Variants in TTLL9 observed in about 807,000 individuals in gnomAD.
The protein encoded by TTLL9 is tubulin tyrosine ligase like 9, also known as probable tubulin polyglutamylase TTLL9.
A neutral mutation model predicts 65.6 loss-of-function variants in TTLL9; 47 were observed. The observed-to-expected ratio is 0.72, with a 90% CI of 0.57 to 0.91. The LOEUF is 0.91. TTLL9 is among the 40% of genes least tolerant of loss of function. The pLI is 0.00. For missense variants in TTLL9, 537 were observed against 568.8 expected, an observed-to-expected ratio of 0.94 and a Z score of 0.57; for synonymous variants, 179 against 204.8, an observed-to-expected ratio of 0.87 and a Z score of 1.07.
intron 10 of TTLL9, among the ~76,000 whole-genome samples, chr20:31,926,384 A>G (rs2063907214): frequency 6.6e-6 from 1 of 152,230 alleles, no homozygotes; most frequent in Non-Finnish European, 1.5e-5. Context: ...GGCAGAGACC[A>G]AAAATTTGAT....
chr20:31,898,600 C>CT, intron 4 of TTLL9, 35 bp downstream of exon 4: 1 of 1,585,388 alleles, frequency 6.3e-7, no homozygotes, highest in Non-Finnish European at 8.7e-7. Context: ...CCCTCCTTCC[C>CT]TTTGTCTCAC....
At chr20:31,880,852 CTTT>C (rs35047352) in intron 2 of TTLL9, among the ~76,000 whole-genome samples, 7 of 108,242 alleles carry the variant, frequency 6.5e-5, no homozygotes, top group Admixed American at 1.1e-4. Context: ...TCTTTCTTTC[CTTT>C]TTTTTTTTTT....
At chr20:31,894,143 A>G (rs1323350176) in intron 3 of TTLL9, among the ~76,000 whole-genome samples, 1 of 124,326 alleles carries the variant, frequency 8.0e-6, no homozygotes, top group Non-Finnish European at 1.6e-5. Flanking sequence ...TTGCTCTGTC[A>G]CACAGGCTGG....
At chr20:31,885,978 G>T (rs1279082427) in intron 2 of TTLL9, among the ~76,000 whole-genome samples, 1 of 152,242 alleles carries the variant, frequency 6.6e-6, no homozygotes, top group African/African-American at 2.4e-5. Context: ...GGAGCTGAGA[G>T]CAGTCCCCAG....
Position 31,943,692 on chromosome 20 carries a change from A to C in TTLL9, c.*671A>C, listed in dbSNP as rs1196689229. ...CTCAGATGGACAAGACAGACCAGGGAGGCAGAGCTTAGTGAGGGTCTCTGC... is the reference window on the plus strand; with the variant it reads ...CTCAGATGGACAAGACAGACCAGGGCGGCAGAGCTTAGTGAGGGTCTCTGC... On this transcript the variant is annotated 3_prime_UTR_variant, in exon 15 of 15. Transcript: ENST00000535842. The C allele has an allele frequency of 2.2e-6, 1 of 456,448 alleles. No homozygotes were observed. The highest frequency in any genetic ancestry group is 2.0e-5 in the African/African-American group (1 of 50,052). 28.3% of individuals were successfully genotyped at this position (456,448 alleles called of 1,614,324 possible). A position where few individuals can be genotyped will look rare whatever the true frequency, so the allele number is the denominator to read the frequency against.
In TTLL9 at chr20:31,925,975, TGGCTAACCACCCCCG is replaced by T. The variant is rs1248636568; in HGVS notation, c.706-73_706-59del. 1.0e-5 allele frequency: 16 copies of T among 1,595,056 alleles called. 1 individual carries two copies. In the East Asian group the frequency reaches 1.6e-4, roughly 16 times the overall value. ...TGATGACCAGTGTATCCTGGGATCC[TGGCTAACCACCCCCG>T]ACACACCTACCCCTTCCCACACTCT... On this transcript the variant is annotated intron_variant, in intron 9 of 14. Coordinates refer to ENST00000535842, the MANE Select transcript of TTLL9 (RefSeq NM_001008409.5).
intron 9 of TTLL9, 50 bp from the exon 10 acceptor site, chr20:31,925,999 A>G (rs749456712): frequency 1.5e-5 from 24 of 1,610,452 alleles, no homozygotes; most frequent in Non-Finnish European, 2.0e-5. Flanking sequence ...CGACACACCT[A>G]CCCCTTCCCA....
intron 4 of TTLL9, among the ~76,000 whole-genome samples, chr20:31,906,818 T>C (rs967402170): frequency 1.3e-5 from 2 of 152,066 alleles, no homozygotes; most frequent in Non-Finnish European, 2.9e-5. Flanking sequence ...CTGGCTAATT[T>C]TTTGTGTTTT....
In TTLL9 at chr20:31,890,072, CTTT is replaced by C. The variant is rs1568752674; in HGVS notation, c.113+2834_113+2836del. On this transcript the variant is annotated intron_variant, in intron 3 of 14. Transcript: ENST00000535842. ...TTTCTTTCTTTCTCTTTCTTTCTTG[CTTT>C]CTTGCTTTCTTGCTTTCTTTCCCTC... Among the ~76,000 whole-genome samples the C allele has an allele frequency of 1.1e-3, 71 of 67,170 alleles. 5 individuals carry two copies. The highest frequency in any genetic ancestry group is 5.2e-3 in the African/African-American group (68 of 12,964). 44.1% of individuals were successfully genotyped at this position (67,170 alleles called of 152,430 possible). A position where few individuals can be genotyped will look rare whatever the true frequency, so the allele number is the denominator to read the frequency against.
Position 31,909,939 on chromosome 20 carries a change from A to C in TTLL9, c.504+17A>C. On this transcript the variant is annotated intron_variant, in intron 6 of 14. Transcript: ENST00000535842. ...ATGAAGCCTGTGAGTGCCCAGTGCC[A>C]GGGGCTGGGTGGGAGGGAATGAGTC... The C allele has an allele frequency of 2.5e-5, 20 of 796,304 alleles. No individual in the cohort carries two copies. The highest frequency in any genetic ancestry group is 3.9e-5 in the Non-Finnish European group (19 of 487,598). 49.3% of individuals were successfully genotyped at this position (796,304 alleles called of 1,614,324 possible).
chr20:31,938,396 GC>G (rs1437609531), intron 13 of TTLL9: 2 of 356,514 alleles, frequency 5.6e-6, no homozygotes, highest in Non-Finnish European at 1.1e-5. Context: ...TGAAATGGAT[GC>G]TGAGCAGGCA....
At chr20:31,927,751 G>A (rs968023735) in intron 10 of TTLL9, among the ~76,000 whole-genome samples, 6 of 152,156 alleles carry the variant, frequency 3.9e-5, no homozygotes, top group African/African-American at 4.8e-5. Context: ...CTTGCACATG[G>A]GAAAGATGGA....
chr20:31,913,251 C>T (rs1310808526), intron 6 of TTLL9, among the ~76,000 whole-genome samples: 1 of 152,186 alleles, frequency 6.6e-6, no homozygotes, highest in Non-Finnish European at 1.5e-5. Context: ...GCACCATAGC[C>T]TAATCAAGTT....
At chr20:31,874,369 T>C (rs755878015) in intron 2 of TTLL9, among the ~76,000 whole-genome samples, 11 of 152,044 alleles carry the variant, frequency 7.2e-5, no homozygotes, top group Non-Finnish European at 1.3e-4. Flanking sequence ...AAGGGTAGAA[T>C]TAAGGCTGCA....
intron 3 of TTLL9, among the ~76,000 whole-genome samples, chr20:31,897,638 G>A (rs908555636): frequency 6.6e-6 from 1 of 152,162 alleles, no homozygotes; most frequent in Non-Finnish European, 1.5e-5. Flanking sequence ...CTGCTGCAGT[G>A]GGGGTGGGAG....
chr20:31,933,351 C>T (rs2064052621), intron 10 of TTLL9, among the ~76,000 whole-genome samples: 1 of 151,850 alleles, frequency 6.6e-6, no homozygotes, highest in South Asian at 2.1e-4. Context: ...GACAGACAGC[C>T]TACTGTGTCC....
chr20:31,879,319 TCAAA>T lies in TTLL9; in HGVS notation c.70-7864_70-7861del, dbSNP rs374054413. Among the ~76,000 whole-genome samples, 446 of 152,158 alleles carry T rather than the reference TCAAA, an allele frequency of 2.9e-3. 3 individuals are homozygous for T. The highest frequency in any genetic ancestry group is 0.01 in the African/African-American group (423 of 41,514). On this transcript the variant is annotated intron_variant, in intron 2 of 14. Coordinates refer to ENST00000535842, the MANE Select transcript of TTLL9 (RefSeq NM_001008409.5). ...CTGGGCGACACAGCGAGACTCCGTC[TCAAA>T]CAAACAAACAAAAAAACTACAATGA...
At position 31,943,600 on chromosome 20, in the gene TTLL9, T is replaced by C. The variant is rs1165924009; in HGVS notation, c.*579T>C. ...CTAAACACATCCTCTTCTCCTTGCA[T>C]GTCAGGGGAGCCCATGGGGCTCCCT... On this transcript the variant is annotated 3_prime_UTR_variant, in exon 15 of 15. Transcript: ENST00000535842. 2 of 381,504 alleles carry C rather than the reference T, an allele frequency of 5.2e-6. No individual in the cohort carries two copies. Among genetic ancestry groups the C allele is most frequent in the Non-Finnish European group, 5.2e-6 (1 of 193,842 alleles). The allele number at this position is 381,504 out of a possible 1,614,324, so 23.6% of individuals were successfully genotyped here.
In TTLL9 at chr20:31,892,713, G is replaced by A. The variant is rs531143486; in HGVS notation, c.113+5474G>A. On this transcript the variant is annotated intron_variant, in intron 3 of 14. Transcript: ENST00000535842. ...TTGTGTACCCTTGAAAAAGAGTTGG[G>A]GACCCTGAGGAATACTTGAGACCAC... Among the ~76,000 whole-genome samples the A allele has an allele frequency of 9.2e-5, 14 of 152,178 alleles. No homozygotes were observed. The South Asian group carries it at 2.9e-3, about 32-fold the overall frequency.
Sources: allele counts gnomAD v4.1 joint callset (sites outside exome capture counted in the v4.1 genomes callset), GRCh38; gene constraint gnomAD v4.1.1; transcripts MANE v1.5; gene names NCBI Gene and HGNC (gene_info 2026-07-23, HGNC 2026-07-21).